ASAP1: variants seen among roughly 807,000 people sequenced by gnomAD.
ASAP1 encodes arf-GAP with SH3 domain, ANK repeat and PH domain-containing protein 1.
In ASAP1, 43 loss-of-function variants were observed where a neutral mutation model predicts 145.2. The observed-to-expected ratio is 0.30, with a 90% CI of 0.23 to 0.38. The LOEUF is 0.38. ASAP1 is among the 10% of genes least tolerant of loss of function. ASAP1 has a pLI of 1.00. For synonymous variants in ASAP1, 546 were observed against 515.5 expected, an observed-to-expected ratio of 1.06 and a Z score of -0.80; for missense variants, 1,018 against 1,355.3, an observed-to-expected ratio of 0.75 and a Z score of 3.91.
At chr8:130,371,892 T>C (rs969115093) in intron 2 of ASAP1, among the ~76,000 whole-genome samples, 3 of 152,168 alleles carry the variant, frequency 2.0e-5, no homozygotes, top group African/African-American at 7.2e-5. Flanking sequence ...TAATCCTAAT[T>C]TATATAATGG....
intron 3 of ASAP1, among the ~76,000 whole-genome samples, chr8:130,327,801 T>C (rs1344361278): frequency 6.6e-6 from 1 of 152,160 alleles, no homozygotes; most frequent in Non-Finnish European, 1.5e-5. Context: ...TTTTGCATGA[T>C]AAAAATGTTC....
chr8:130,168,968 G>GC, intron 10 of ASAP1, 24 bp downstream of exon 10: 1 of 1,354,944 alleles, frequency 7.4e-7, no homozygotes, highest in South Asian at 1.3e-5. Flanking sequence ...AAGTTAAACT[G>GC]CATGTATTTT....
chr8:130,080,000 A>G (rs1460187154), intron 25 of ASAP1, 29 bp from the exon 26 acceptor site: 3 of 1,580,056 alleles, frequency 1.9e-6, no homozygotes, highest in South Asian at 2.2e-5. Context: ...GTGAAAAGGT[A>G]TGTCTTTAGA....
chr8:130,398,627 T>C (rs1828640825), intron 2 of ASAP1, among the ~76,000 whole-genome samples: 1 of 152,158 alleles, frequency 6.6e-6, no homozygotes, highest in Non-Finnish European at 1.5e-5. Flanking sequence ...CTAGCAATAG[T>C]AGTAGTCATA....
chr8:130,076,994 G>A lies in ASAP1; in HGVS notation c.2643-588C>T, dbSNP rs2097463901. 2.0e-5 allele frequency among the ~76,000 whole-genome samples: 3 copies of A among 152,206 alleles called. No individual in the cohort carries two copies. The South Asian group carries it at 6.2e-4, about 31-fold the overall frequency. On this transcript the variant is annotated intron_variant, in intron 26 of 29. Coordinates refer to ENST00000518721, the MANE Select transcript of ASAP1 (RefSeq NM_018482.4). ...CTCTAAGTGGTGACCCCAATGTAGT[G>A]CACAGAAGTAACTCTTCCCACATGA...
chr8:130,102,613 G>A (rs966427408), intron 24 of ASAP1, among the ~76,000 whole-genome samples: 27 of 152,154 alleles, frequency 1.8e-4, no homozygotes, highest in Non-Finnish European at 2.9e-4. Flanking sequence ...GGCCTCATTG[G>A]AAGAGTTAGG....
intron 1 of ASAP1, among the ~76,000 whole-genome samples, chr8:130,421,487 G>A (rs1829715167): frequency 6.6e-6 from 1 of 152,224 alleles, no homozygotes; most frequent in Non-Finnish European, 1.5e-5. Context: ...CCATGTGTCA[G>A]ACTTCTAGCT....
At chr8:130,319,091 T>TG (rs1823845971) in intron 3 of ASAP1, among the ~76,000 whole-genome samples, 1 of 152,254 alleles carries the variant, frequency 6.6e-6, no homozygotes. Context: ...CAATTTTCAC[T>TG]TCCTCTGTAG....
chr8:130,079,757 A>C (rs559370880), intron 26 of ASAP1, 145 bp downstream of exon 26: 40 of 754,430 alleles, frequency 5.3e-5, no homozygotes, highest in Non-Finnish European at 3.6e-5. Flanking sequence ...CCAAGAGTGA[A>C]CGTCTGGTTT....
At chr8:130,315,335 G>T (rs1823601999) in intron 3 of ASAP1, among the ~76,000 whole-genome samples, 1 of 152,120 alleles carries the variant, frequency 6.6e-6, no homozygotes, top group African/African-American at 2.4e-5. Flanking sequence ...ATAACATAAT[G>T]ATCATGCCCT....
intron 7 of ASAP1, among the ~76,000 whole-genome samples, chr8:130,183,874 C>A (rs1319290272): frequency 6.6e-6 from 1 of 152,072 alleles, no homozygotes; most frequent in Non-Finnish European, 1.5e-5. Context: ...AAACGCCATC[C>A]CAGGATGGCA....
intron 11 of ASAP1, among the ~76,000 whole-genome samples, chr8:130,165,226 G>GTGGGA (rs1565039225): frequency 6.6e-6 from 1 of 152,138 alleles, no homozygotes; most frequent in Non-Finnish European, 1.5e-5. Context: ...AAAAGGGGTT[G>GTGGGA]TAACAGTCCT....
chr8:130,200,983 G>T (rs553690497), intron 5 of ASAP1, among the ~76,000 whole-genome samples: 3 of 152,286 alleles, frequency 2.0e-5, no homozygotes, highest in Admixed American at 2.0e-4. Context: ...CCTTCCTAGT[G>T]GTTCTCAAAA....
At chr8:130,167,892 A>G (rs1301968913) in intron 10 of ASAP1, among the ~76,000 whole-genome samples, 2 of 152,228 alleles carry the variant, frequency 1.3e-5, no homozygotes, top group African/African-American at 2.4e-5. Context: ...TAAACAGCTT[A>G]TATCATTGAG....
Position 130,054,730 on chromosome 8 carries a change from G to A in ASAP1, c.*1C>T. 1 of 1,612,826 alleles carries A rather than the reference G, an allele frequency of 6.2e-7. No homozygotes were observed. Among genetic ancestry groups the A allele is most frequent in the South Asian group, 1.1e-5 (1 of 91,066 alleles). ...GGACAATCTTAAGGTTCTGCGTTTT[G>A]CTAGTCAGACAGGATATGAACAAAG... On this transcript the variant is annotated 3_prime_UTR_variant, in exon 30 of 30. Transcript: ENST00000518721.
At chr8:130,407,316 A>T (rs1829075632) in intron 1 of ASAP1, among the ~76,000 whole-genome samples, 1 of 152,170 alleles carries the variant, frequency 6.6e-6, no homozygotes, top group Admixed American at 6.5e-5. Flanking sequence ...AAGGGAAAGG[A>T]ATCTGGGGCA....
intron 1 of ASAP1, among the ~76,000 whole-genome samples, chr8:130,439,081 T>C (rs79014478): frequency 0.022 from 3,287 of 152,202 alleles, 48 homozygotes; most frequent in Non-Finnish European, 0.029. Context: ...CCCAGTGGAA[T>C]CACTTTAAGG....
rs144965931 is a variant in ASAP1 at position 130,293,111 on chromosome 8, T to G, written c.187-56117A>C. Reference sequence around the variant, plus strand: ...AGAAAAATACTCTTGTTCCTAAGCTTAAAGTCTACAGAATTGCCCTTTCTT... The same window carrying G: ...AGAAAAATACTCTTGTTCCTAAGCTGAAAGTCTACAGAATTGCCCTTTCTT... On this transcript the variant is annotated intron_variant, in intron 3 of 29. Coordinates refer to ENST00000518721, the MANE Select transcript of ASAP1 (RefSeq NM_018482.4). 6.2e-3 allele frequency among the ~76,000 whole-genome samples: 941 copies of G among 152,308 alleles called. 10 individuals carry two copies. Among genetic ancestry groups the G allele is most frequent in the African/African-American group, 0.022 (904 of 41,568 alleles).
At chr8:130,412,875 C>T (rs1829325439) in intron 1 of ASAP1, among the ~76,000 whole-genome samples, 1 of 152,142 alleles carries the variant, frequency 6.6e-6, no homozygotes, top group Admixed American at 6.5e-5. Flanking sequence ...AACTCCTGAC[C>T]TTAGGTGATC....
Sources: allele counts gnomAD v4.1 joint callset (sites outside exome capture counted in the v4.1 genomes callset), GRCh38; gene constraint gnomAD v4.1.1; transcripts MANE v1.5; gene names NCBI Gene and HGNC (gene_info 2026-07-23, HGNC 2026-07-21).